The following GALNT17 variants were observed in gnomAD, a reference collection of about 807,000 sequenced individuals.
GALNT17 encodes polypeptide N-acetylgalactosaminyltransferase 17.
GALNT17 carries 29 observed loss-of-function variants against 63.7 expected under a neutral mutation model. The observed-to-expected ratio is 0.46, with a 90% CI of 0.34 to 0.62. The LOEUF is 0.62. Among genes scored for constraint, GALNT17 ranks in the 20% least tolerant of loss-of-function variants. The pLI, the probability that GALNT17 is intolerant of heterozygous loss-of-function variation, is 0.01. For synonymous variants in GALNT17, 305 were observed against 318.3 expected, an observed-to-expected ratio of 0.96 and a Z score of 0.45; for missense variants, 603 against 799.6, an observed-to-expected ratio of 0.75 and a Z score of 2.97.
chr7:71,556,947 G>T (rs1789173911), intron 5 of GALNT17, among the ~76,000 whole-genome samples: 1 of 150,760 alleles, frequency 6.6e-6, no homozygotes, highest in East Asian at 2.0e-4. Context: ...AAAGTGACCG[G>T]TTCTTTCTCT....
intron 5 of GALNT17, among the ~76,000 whole-genome samples, chr7:71,564,182 GC>G (rs1050830285): frequency 6.6e-6 from 1 of 151,928 alleles, no homozygotes; most frequent in Admixed American, 6.6e-5. Context: ...ACCTGCTGGG[GC>G]CAGTTCCAGC....
In GALNT17 at chr7:71,396,149, G is replaced by T. The variant is rs1583916850; in HGVS notation, c.589+7748G>T. The stretch of plus-strand genomic sequence containing the variant: ...TCCAGTTTTTCTTTTTTTCCTTTGG[G>T]TGCTTGAGCTTTTGGTGTCATATCT... On this transcript the variant is annotated intron_variant, in intron 3 of 10. Transcript: ENST00000333538. Among the ~76,000 whole-genome samples, 3 of 151,910 alleles carry T rather than the reference G, an allele frequency of 2.0e-5. No homozygotes were observed. The South Asian group carries it at 6.2e-4, about 32-fold the overall frequency.
chr7:71,361,128 G>T (rs1319609270), intron 2 of GALNT17, among the ~76,000 whole-genome samples: 11 of 152,096 alleles, frequency 7.2e-5, no homozygotes, highest in Admixed American at 3.3e-4. Flanking sequence ...AAAGTTCCCA[G>T]AATTTCTGGT....
In GALNT17 at chr7:71,564,278, C is replaced by CTTTT. The variant is rs10539122; in HGVS notation, c.963-6986_963-6983dup. Reference sequence around the variant, plus strand: ...TCTTTCTTTTTTTTTCTTTTCTTTTCTTTTTTTTTTTTTTTTTTTTTTTTG... The same window carrying CTTTT: ...TCTTTCTTTTTTTTTCTTTTCTTTTCTTTTTTTTTTTTTTTTTTTTTTTTTTTTG... On this transcript the variant is annotated intron_variant, in intron 5 of 10. Transcript: ENST00000333538. Among the ~76,000 whole-genome samples the CTTTT allele has an allele frequency of 1.4e-3, 137 of 97,996 alleles. 1 individual carries two copies. Among genetic ancestry groups the CTTTT allele is most frequent in the Non-Finnish European group, 1.6e-3 (84 of 52,104 alleles). The allele number at this position is 97,996 out of a possible 152,430, so 64.3% of individuals were successfully genotyped here. A position where few individuals can be genotyped will look rare whatever the true frequency, so the allele number is the denominator to read the frequency against.
At chr7:71,263,202 AT>A (rs1377044409) in intron 1 of GALNT17, among the ~76,000 whole-genome samples, 14 of 151,904 alleles carry the variant, frequency 9.2e-5, no homozygotes, top group African/African-American at 3.4e-4. Flanking sequence ...TACTAAAAAT[AT>A]AAAAAATTAA....
At chr7:71,431,213 T>TC (rs1233267862) in intron 5 of GALNT17, among the ~76,000 whole-genome samples, 1 of 142,172 alleles carries the variant, frequency 7.0e-6, no homozygotes, top group African/African-American at 2.6e-5. Flanking sequence ...TCTTTTCTTT[T>TC]TTTTTTTTTT....
chr7:71,209,451 C>T (rs1789335792), intron 1 of GALNT17, among the ~76,000 whole-genome samples: 1 of 152,092 alleles, frequency 6.6e-6, no homozygotes, highest in Non-Finnish European at 1.5e-5. Context: ...AACTCACTTG[C>T]CCAAGGTTAT....
chr7:71,148,526 A>G (rs1788066098), intron 1 of GALNT17, among the ~76,000 whole-genome samples: 1 of 152,188 alleles, frequency 6.6e-6, no homozygotes, highest in Non-Finnish European at 1.5e-5. Flanking sequence ...GAGAACGGGA[A>G]CAGCATTTGC....
intron 2 of GALNT17, among the ~76,000 whole-genome samples, chr7:71,380,269 C>T (rs1188852152): frequency 1.3e-5 from 2 of 151,862 alleles, no homozygotes; most frequent in Non-Finnish European, 2.9e-5. Flanking sequence ...GGGAAAGGAA[C>T]ATGTCAATTA....
At chr7:71,414,572 G>A (rs75497340) in intron 3 of GALNT17, among the ~76,000 whole-genome samples, 11,681 of 152,130 alleles carry the variant, frequency 0.077, 559 homozygotes, top group Middle Eastern at 0.18. Flanking sequence ...CTTCCCTGAA[G>A]TCTCGCAACT....
chr7:71,666,680 C>T (rs927152587), intron 7 of GALNT17, among the ~76,000 whole-genome samples: 1 of 152,144 alleles, frequency 6.6e-6, no homozygotes, highest in African/African-American at 2.4e-5. Flanking sequence ...GAATAATACT[C>T]TCGAATCTCA....
rs371371505 is a variant in GALNT17 at position 71,482,079 on chromosome 7, A to ATGTGTGTGTGTGTGTGTGTGTGTGTG, written c.962+60975_962+60976insGTGTGTGTGTGTGTGTGTGTGTGTGT. Among the ~76,000 whole-genome samples, 4 of 136,804 alleles carry ATGTGTGTGTGTGTGTGTGTGTGTGTG rather than the reference A, an allele frequency of 2.9e-5. No individual in the cohort carries two copies. The South Asian group carries it at 7.4e-4, about 25-fold the overall frequency. The allele number at this position is 136,804 out of a possible 152,430, so 89.7% of individuals were successfully genotyped here. A position where few individuals can be genotyped will look rare whatever the true frequency, so the allele number is the denominator to read the frequency against. ...TTGATGTATAGGTATACATATATGT[A>ATGTGTGTGTGTGTGTGTGTGTGTGTG]TATGTGTGTGTGTGTGTGTGTGTGT... On this transcript the variant is annotated intron_variant, in intron 5 of 10. Coordinates refer to ENST00000333538, the MANE Select transcript of GALNT17 (RefSeq NM_022479.3).
At position 71,580,393 on chromosome 7, in the gene GALNT17, GATGGATGATAGATAGATAGATA is replaced by G. The variant is rs1308789628; in HGVS notation, c.1080+8992_1080+9013del. 3.3e-4 allele frequency among the ~76,000 whole-genome samples: 16 copies of G among 48,010 alleles called. 1 individual carries two copies. In the East Asian group the frequency reaches 0.034, roughly 103 times the overall value. The allele number at this position is 48,010 out of a possible 152,430, so 31.5% of individuals were successfully genotyped here. ...TAAATAGATGATAGATAAATTGATA[GATGGATGATAGATAGATAGATA>G]GATAGATAGATAGATAGATAGATAG... is the stretch of plus-strand genomic sequence containing the variant. On this transcript the variant is annotated intron_variant, in intron 6 of 10. Coordinates refer to ENST00000333538, the MANE Select transcript of GALNT17 (RefSeq NM_022479.3).
rs535595509 is a variant in GALNT17 at position 71,255,301 on chromosome 7, T to C, written c.239-80249T>C. Among the ~76,000 whole-genome samples the C allele has an allele frequency of 2.0e-5, 3 of 152,304 alleles. No individual in the cohort carries two copies. The East Asian group carries it at 5.8e-4, about 29-fold the overall frequency. ...AGTGAATAAGTCTCATGAGATCTGA[T>C]GGTTGTATAAAGAGGAGTATCCCTG... On this transcript the variant is annotated intron_variant, in intron 1 of 10. Transcript: ENST00000333538.
At chr7:71,237,520 A>G (rs992835952) in intron 1 of GALNT17, among the ~76,000 whole-genome samples, 8 of 150,484 alleles carry the variant, frequency 5.3e-5, no homozygotes, top group Non-Finnish European at 1.2e-4. Context: ...TGAAAAAAAA[A>G]AAAAAAAAAA....
In GALNT17 at chr7:71,519,019, T is replaced by A. The variant is rs555664298; in HGVS notation, c.963-52266T>A. On this transcript the variant is annotated intron_variant, in intron 5 of 10. Coordinates refer to ENST00000333538, the MANE Select transcript of GALNT17 (RefSeq NM_022479.3). ...CATCAGTGTCATGGTTGAGGATTATTTAGGCATATTTCCATTTTCCAAGTT... is the reference window on the plus strand; with the variant it reads ...CATCAGTGTCATGGTTGAGGATTATATAGGCATATTTCCATTTTCCAAGTT... Among the ~76,000 whole-genome samples, 9 of 152,268 alleles carry A rather than the reference T, an allele frequency of 5.9e-5. No homozygotes were observed. In the South Asian group the frequency reaches 1.9e-3, roughly 32 times the overall value.
At chr7:71,466,728 T>C (rs1398360227) in intron 5 of GALNT17, among the ~76,000 whole-genome samples, 1 of 152,206 alleles carries the variant, frequency 6.6e-6, no homozygotes, top group Non-Finnish European at 1.5e-5. Flanking sequence ...TTATGCTGAC[T>C]TGAAACTCCG....
chr7:71,435,610 C>A (rs1454918321), intron 5 of GALNT17, among the ~76,000 whole-genome samples: 1 of 152,132 alleles, frequency 6.6e-6, no homozygotes, highest in Non-Finnish European at 1.5e-5. Context: ...CGGGCCCCCA[C>A]CCAGGAACTG....
chr7:71,216,837 A>G (rs2116409212), intron 1 of GALNT17, among the ~76,000 whole-genome samples: 1 of 152,322 alleles, frequency 6.6e-6, no homozygotes, highest in African/African-American at 2.4e-5. Flanking sequence ...TAGTAGTTAT[A>G]TAACTACTTT....
Sources: allele counts gnomAD v4.1 joint callset (sites outside exome capture counted in the v4.1 genomes callset), GRCh38; gene constraint gnomAD v4.1.1; transcripts MANE v1.5; gene names NCBI Gene and HGNC (gene_info 2026-07-23, HGNC 2026-07-21).